CDH18: variants seen among roughly 807,000 people sequenced by gnomAD.
The protein encoded by CDH18 is cadherin 18.
Under a neutral mutation model 67.9 loss-of-function variants are expected in CDH18, and 31 were observed. The ratio of observed to expected loss-of-function variants is 0.46; its 90% CI spans 0.34 to 0.62. The LOEUF (loss-of-function observed/expected upper bound fraction) is 0.62. CDH18 is among the 20% of genes least tolerant of loss of function. The probability of loss-of-function intolerance (pLI) is 0.01; values close to 1 mark genes in which losing one functional copy is unlikely to be tolerated. For missense variants in CDH18, 890 were observed against 975.5 expected, an observed-to-expected ratio of 0.91 and a Z score of 1.17; for synonymous variants, 362 against 347.2, an observed-to-expected ratio of 1.04 and a Z score of -0.48.
chr5:19,919,991 C>A (rs554768175), intron 2 of CDH18, among the ~76,000 whole-genome samples: 1 of 152,178 alleles, frequency 6.6e-6, no homozygotes, highest in Non-Finnish European at 1.5e-5. Flanking sequence ...TAAAGGAAGA[C>A]CAAGGCCTAA....
chr5:20,322,418 T>G (rs76731797), intron 1 of CDH18, among the ~76,000 whole-genome samples: 1 of 152,110 alleles, frequency 6.6e-6, no homozygotes, highest in African/African-American at 2.4e-5. Context: ...AAACAAGATA[T>G]ATGTTCTTGT....
chr5:20,491,817 A>G (rs1753603822), intron 1 of CDH18, among the ~76,000 whole-genome samples: 1 of 152,202 alleles, frequency 6.6e-6, no homozygotes, highest in Non-Finnish European at 1.5e-5. Flanking sequence ...AAATATCTGG[A>G]CACTACTGCC....
At chr5:19,522,988 A>G (rs1747166890) in intron 9 of CDH18, among the ~76,000 whole-genome samples, 1 of 152,034 alleles carries the variant, frequency 6.6e-6, no homozygotes, top group Admixed American at 6.6e-5. Context: ...GGGATAGACA[A>G]ACAGAACAGA....
intron 6 of CDH18, among the ~76,000 whole-genome samples, chr5:19,599,503 G>T (rs1019497482): frequency 2.0e-5 from 3 of 151,898 alleles, no homozygotes; most frequent in Non-Finnish European, 4.4e-5. Flanking sequence ...TATATATTTT[G>T]GTCATCATAT....
chr5:20,176,785 C>A (rs1737269284), intron 2 of CDH18, among the ~76,000 whole-genome samples: 1 of 152,066 alleles, frequency 6.6e-6, no homozygotes. Flanking sequence ...TAAATGGTGA[C>A]TTGGAAGTTC....
At chr5:19,486,794 C>CTAAA (rs199784033) in intron 11 of CDH18, among the ~76,000 whole-genome samples, 7,269 of 150,440 alleles carry the variant, frequency 0.048, 239 homozygotes, top group Non-Finnish European at 0.072. Context: ...GACTCTGTCT[C>CTAAA]TAAATAAATA....
At chr5:20,543,973 T>C (rs925650730) in intron 1 of CDH18, among the ~76,000 whole-genome samples, 1 of 152,158 alleles carries the variant, frequency 6.6e-6, no homozygotes, top group Non-Finnish European at 1.5e-5. Context: ...TCAAGGAATA[T>C]AGAACACATA....
At chr5:20,341,421 C>G (rs1740253058) in intron 1 of CDH18, among the ~76,000 whole-genome samples, 1 of 152,020 alleles carries the variant, frequency 6.6e-6, no homozygotes. Context: ...CTCAGACTGG[C>G]TCTTCTTGCT....
chr5:20,556,128 T>C (rs1757894423), intron 1 of CDH18, among the ~76,000 whole-genome samples: 1 of 152,168 alleles, frequency 6.6e-6, no homozygotes, highest in Non-Finnish European at 1.5e-5. Context: ...ATATCACTAA[T>C]AGAATATTGC....
chr5:19,823,883 A>G (rs959973029), intron 3 of CDH18, among the ~76,000 whole-genome samples: 1 of 152,170 alleles, frequency 6.6e-6, no homozygotes, highest in Non-Finnish European at 1.5e-5. Flanking sequence ...ACATACTCTC[A>G]GATCACAGAG....
chr5:19,773,372 A>G, intron 3 of CDH18, among the ~76,000 whole-genome samples: 1 of 152,194 alleles, frequency 6.6e-6, no homozygotes, highest in East Asian at 1.9e-4. Flanking sequence ...TAGAGATGAA[A>G]AGAGAGGGAT....
intron 1 of CDH18, among the ~76,000 whole-genome samples, chr5:20,476,541 A>G (rs932718315): frequency 1.3e-5 from 2 of 152,182 alleles, no homozygotes; most frequent in African/African-American, 4.8e-5. Context: ...TTCTACTGAA[A>G]GAATCCTAAT....
At chr5:19,964,505 G>A (rs1797232202) in intron 2 of CDH18, among the ~76,000 whole-genome samples, 1 of 151,388 alleles carries the variant, frequency 6.6e-6, no homozygotes, top group Admixed American at 6.6e-5. Flanking sequence ...GGCTGAGGTG[G>A]GAGGACTGCT....
intron 1 of CDH18, chr5:20,305,003 C>G: frequency 6.2e-7 from 1 of 1,613,848 alleles, no homozygotes; most frequent in Non-Finnish European, 8.5e-7. Context: ...CTGACACAAG[C>G]TTTACTGGAA....
intron 1 of CDH18, among the ~76,000 whole-genome samples, chr5:20,267,492 G>A (rs965067724): frequency 6.6e-6 from 1 of 151,956 alleles, no homozygotes; most frequent in Non-Finnish European, 1.5e-5. Flanking sequence ...CATTTTGATA[G>A]GGATTGTATT....
At chr5:19,895,747 A>C (rs973704443) in intron 2 of CDH18, among the ~76,000 whole-genome samples, 8 of 152,200 alleles carry the variant, frequency 5.3e-5, no homozygotes, top group African/African-American at 1.9e-4. Context: ...AAATGAAATA[A>C]GCCAAACCCC....
rs919294101 is a variant in CDH18, at chr5:19,595,649, T to A, written c.812-4405A>T. The stretch of plus-strand genomic sequence containing the variant: ...AAAATAAAAAAATCATTTGATAAAC[T>A]TCTAAAGACAAAAATGTATAATTTT... On this transcript the variant is annotated intron_variant, in intron 6 of 12. Coordinates refer to ENST00000382275, the MANE Select transcript of CDH18 (RefSeq NM_004934.5). 6.6e-5 allele frequency among the ~76,000 whole-genome samples: 10 copies of A among 152,212 alleles called. No individual in the cohort carries two copies. The East Asian group carries it at 1.9e-3, about 29-fold the overall frequency.
At chr5:19,879,223 G>C (rs1394031393) in intron 2 of CDH18, among the ~76,000 whole-genome samples, 2 of 151,846 alleles carry the variant, frequency 1.3e-5, no homozygotes, top group Non-Finnish European at 2.9e-5. Flanking sequence ...GATTTTTATG[G>C]GGTGGTAAGA....
intron 11 of CDH18, 109 bp from the exon 12 acceptor site, chr5:19,483,661 A>G: frequency 8.4e-7 from 1 of 1,192,818 alleles, no homozygotes; most frequent in Non-Finnish European, 1.2e-6. Context: ...GTTTCAGTTT[A>G]TGAAATGGAC....
Sources: allele counts gnomAD v4.1 joint callset (sites outside exome capture counted in the v4.1 genomes callset), GRCh38; gene constraint gnomAD v4.1.1; transcripts MANE v1.5; gene names NCBI Gene and HGNC (gene_info 2026-07-23, HGNC 2026-07-21).